Variants in PATJ observed in about 807,000 individuals in gnomAD.
The protein encoded by PATJ is inaD-like protein.
In PATJ, 190 loss-of-function variants were observed where a neutral mutation model predicts 224.9. The observed-to-expected ratio is 0.84, with a 90% CI of 0.75 to 0.95. PATJ has a LOEUF of 0.95. Among genes scored for constraint, PATJ ranks in the 40% least tolerant of loss-of-function variants. PATJ has a pLI of 0.00. For synonymous variants in PATJ, 769 were observed against 820.3 expected, an observed-to-expected ratio of 0.94 and a Z score of 1.07; for missense variants, 2,121 against 2,270.3, an observed-to-expected ratio of 0.93 and a Z score of 1.34.
chr1:62,010,078 C>CAAAAAAAAAAA (rs34658070), intron 28 of PATJ, among the ~76,000 whole-genome samples: 1 of 84,268 alleles, frequency 1.2e-5, no homozygotes, highest in African/African-American at 3.7e-5. Context: ...GACTCCATCT[C>CAAAAAAAAAAA]AAAAAAAAAA....
intron 27 of PATJ, among the ~76,000 whole-genome samples, chr1:61,955,955 C>T (rs1680390819): frequency 1.3e-5 from 2 of 152,218 alleles, no homozygotes; most frequent in Admixed American, 1.3e-4. Context: ...AAAAAGCATA[C>T]TGAAGTTCCA....
At chr1:61,795,434 T>C in intron 9 of PATJ, 33 bp from the exon 10 acceptor site, 1 of 1,356,352 alleles carries the variant, frequency 7.4e-7, no homozygotes, top group African/African-American at 1.4e-5. Context: ...ATTAGAATTT[T>C]CTTCCTTTTT....
chr1:62,002,890 G>A (rs1645873702), intron 28 of PATJ, among the ~76,000 whole-genome samples: 1 of 152,112 alleles, frequency 6.6e-6, no homozygotes, highest in African/African-American at 2.4e-5. Flanking sequence ...AATTGAGGTG[G>A]GGTTCTAATT....
chr1:61,780,800 C>T (rs970081420), intron 7 of PATJ, among the ~76,000 whole-genome samples: 1 of 152,088 alleles, frequency 6.6e-6, no homozygotes, highest in Non-Finnish European at 1.5e-5. Flanking sequence ...TGAATTTTCA[C>T]AAGAATAAGA....
At chr1:62,062,671 T>G (rs1655761330) in intron 31 of PATJ, among the ~76,000 whole-genome samples, 1 of 151,612 alleles carries the variant, frequency 6.6e-6, no homozygotes, top group South Asian at 2.1e-4. Flanking sequence ...AATTTTTAAA[T>G]TTTTTGTAGA....
chr1:61,837,310 A>G (rs1660331685), intron 17 of PATJ, among the ~76,000 whole-genome samples: 1 of 152,226 alleles, frequency 6.6e-6, no homozygotes, highest in African/African-American at 2.4e-5. Flanking sequence ...TTTGTACTCT[A>G]TCAATTCTTT....
At chr1:61,949,215 TAAAAAAAAAG>T (rs905131559) in intron 27 of PATJ, among the ~76,000 whole-genome samples, 4 of 145,314 alleles carry the variant, frequency 2.8e-5, no homozygotes, top group Non-Finnish European at 6.1e-5. Flanking sequence ...AGTATAATAA[TAAAAAAAAAG>T]AAAAAAAAAG....
chr1:61,841,692 A>C (rs1256147672), intron 17 of PATJ, among the ~76,000 whole-genome samples: 8 of 150,820 alleles, frequency 5.3e-5, no homozygotes, highest in Non-Finnish European at 2.9e-5. Context: ...TAATGGCAGT[A>C]TCTGTAGTCT....
chr1:62,076,255 C>T (rs1207662284), intron 31 of PATJ, among the ~76,000 whole-genome samples: 1 of 151,950 alleles, frequency 6.6e-6, no homozygotes, highest in East Asian at 1.9e-4. Flanking sequence ...CAAAAAAAAC[C>T]TGCCTGGGAC....
chr1:61,929,455 G>C (rs2149295642), intron 27 of PATJ, among the ~76,000 whole-genome samples: 1 of 152,278 alleles, frequency 6.6e-6, no homozygotes, highest in East Asian at 1.9e-4. Context: ...CTTTTGAAGA[G>C]CTTAGTACAG....
intron 31 of PATJ, among the ~76,000 whole-genome samples, chr1:62,073,674 T>C (rs1178159454): frequency 2.0e-5 from 3 of 152,022 alleles, no homozygotes; most frequent in Non-Finnish European, 4.4e-5. Context: ...AGGGTATCCC[T>C]GAAAACACCC....
At chr1:61,775,103 TC>T in intron 6 of PATJ, 102 bp from the exon 7 acceptor site, 1 of 1,206,584 alleles carries the variant, frequency 8.3e-7, no homozygotes, top group Non-Finnish European at 1.1e-6. Context: ...GCATGAATGT[TC>T]AATTTGTTGC....
At chr1:62,146,574 G>A (rs552227168) in intron 41 of PATJ, among the ~76,000 whole-genome samples, 2 of 152,154 alleles carry the variant, frequency 1.3e-5, no homozygotes, top group African/African-American at 2.4e-5. Flanking sequence ...TCAGAAGTTC[G>A]AGACCAGTCT....
rs71641746 is a variant in PATJ at position 61,817,870 on chromosome 1, A to G, written c.1684-5075A>G. Among the ~76,000 whole-genome samples, 218 of 152,204 alleles carry G rather than the reference A, an allele frequency of 1.4e-3. 1 individual carries two copies. Among genetic ancestry groups the G allele is most frequent in the Middle Eastern group, 6.8e-3 (2 of 292 alleles). On this transcript the variant is annotated intron_variant, in intron 14 of 43. Coordinates refer to ENST00000642238, the MANE Select transcript of PATJ (RefSeq NM_001350145.3). ...TTTATGGTAAATTTAGTAACTCCCT[A>G]ATCTTTAAACATAAATGGCTATTTA... is the stretch of plus-strand genomic sequence containing the variant.
chr1:61,746,023 C>T (rs1484761574), intron 1 of PATJ, among the ~76,000 whole-genome samples: 1 of 152,118 alleles, frequency 6.6e-6, no homozygotes, highest in Non-Finnish European at 1.5e-5. Context: ...CTGCAAACTT[C>T]ACCTCCCTGG....
At chr1:61,978,131 T>TTGA (rs1030769400) in intron 27 of PATJ, among the ~76,000 whole-genome samples, 3 of 151,918 alleles carry the variant, frequency 2.0e-5, no homozygotes, top group Non-Finnish European at 4.4e-5. Context: ...TTGTTTATGG[T>TTGA]TGATGTTGTT....
At chr1:61,762,970 A>T (rs750010269) in intron 2 of PATJ, 43 bp from the exon 3 acceptor site, 2 of 1,545,700 alleles carry the variant, frequency 1.3e-6, no homozygotes, top group Non-Finnish European at 1.8e-6. Context: ...TGGAATCTCA[A>T]ATGGGACTTA....
At chr1:61,914,747 T>A (rs775871594) in intron 26 of PATJ, 83 bp downstream of exon 26, 28 of 760,956 alleles carry the variant, frequency 3.7e-5, no homozygotes, top group Non-Finnish European at 5.6e-5. Context: ...ATAATAGAAG[T>A]GGCTTTTTGA....
intron 34 of PATJ, among the ~76,000 whole-genome samples, chr1:62,110,743 G>C (rs1004203881): frequency 6.6e-6 from 1 of 152,142 alleles, no homozygotes; most frequent in Admixed American, 6.5e-5. Context: ...CACTAGCTTT[G>C]TTATTCTTTC....
Sources: allele counts gnomAD v4.1 joint callset (sites outside exome capture counted in the v4.1 genomes callset), GRCh38; gene constraint gnomAD v4.1.1; transcripts MANE v1.5; gene names NCBI Gene and HGNC (gene_info 2026-07-23, HGNC 2026-07-21).